DNAH3: variants seen among roughly 807,000 people sequenced by gnomAD.
The protein encoded by DNAH3 is axonemal beta dynein heavy chain 3.
In DNAH3, 332 loss-of-function variants were observed where a neutral mutation model predicts 432.5. The ratio of observed to expected loss-of-function variants is 0.77; its 90% CI spans 0.70 to 0.84. The LOEUF (loss-of-function observed/expected upper bound fraction) is 0.84, where lower values mean the gene tolerates loss of function less well. Among genes scored for constraint, DNAH3 ranks in the 40% least tolerant of loss-of-function variants. The probability of loss-of-function intolerance (pLI) is 0.00; values close to 1 mark genes in which losing one functional copy is unlikely to be tolerated. For synonymous variants in DNAH3, 1,956 were observed against 1,900.2 expected (o/e 1.03, Z -0.76); for missense variants, 4,861 against 5,114.0 (o/e 0.95, Z 1.51).
intron 54 of DNAH3, among the ~76,000 whole-genome samples, chr16:20,958,327 G>A (rs2084667014): frequency 6.6e-6 from 1 of 152,074 alleles, no homozygotes; most frequent in Non-Finnish European, 1.5e-5. Flanking sequence ...ACCTGTCTCA[G>A]CCTTTCAAAA....
intron 56 of DNAH3, among the ~76,000 whole-genome samples, chr16:20,950,046 C>CT (rs2084243001): frequency 6.6e-6 from 1 of 152,174 alleles, no homozygotes; most frequent in African/African-American, 2.4e-5. Context: ...CGGGATCTTG[C>CT]TGTTTTGCCC....
exon 48 of DNAH3, chr16:20,985,442 C>A: frequency 6.2e-7 from 1 of 1,614,190 alleles, no homozygotes; most frequent in Non-Finnish European, 8.5e-7. Context: ...CCCCCTATGC[C>A]CACCAGGAGC....
intron 14 of DNAH3, among the ~76,000 whole-genome samples, chr16:21,107,532 A>C (rs947876352): frequency 1.3e-5 from 2 of 151,616 alleles, no homozygotes; most frequent in East Asian, 3.9e-4. Context: ...GAGCCACCGC[A>C]CCCAGCCTTA....
At chr16:21,105,590 ACT>A (rs1468248921) in intron 15 of DNAH3, among the ~76,000 whole-genome samples, 2 of 152,026 alleles carry the variant, frequency 1.3e-5, no homozygotes, top group Non-Finnish European at 2.9e-5. Context: ...ACATGGAGAA[ACT>A]CTGTCTCTAC....
chr16:21,139,319 G>GTTTTTTTT (rs2092686839), intron 5 of DNAH3, among the ~76,000 whole-genome samples: 9 of 32,752 alleles, frequency 2.7e-4, no homozygotes, highest in Admixed American at 1.3e-3. Context: ...CTTTCCTCAT[G>GTTTTTTTT]CTTTTTTTTT....
chr16:21,118,409 G>T (rs1238530181), intron 11 of DNAH3, among the ~76,000 whole-genome samples: 1 of 151,816 alleles, frequency 6.6e-6, no homozygotes, highest in Admixed American at 6.6e-5. Flanking sequence ...TCTTCTGAGA[G>T]AATTCATACT....
intron 58 of DNAH3, among the ~76,000 whole-genome samples, 175 bp from the exon 59 acceptor site, chr16:20,941,718 C>T (rs2083817285): frequency 6.6e-6 from 1 of 151,598 alleles, no homozygotes; most frequent in Non-Finnish European, 1.5e-5. Context: ...CCCTCATCAC[C>T]CCACCAGCCT....
intron 14 of DNAH3, among the ~76,000 whole-genome samples, chr16:21,107,301 G>A (rs929930672): frequency 7.1e-6 from 1 of 141,098 alleles, no homozygotes; most frequent in Non-Finnish European, 1.5e-5. Flanking sequence ...GGATTACAGT[G>A]GTGTGATAGC....
chr16:20,936,195 C>T (rs949553519), intron 60 of DNAH3, among the ~76,000 whole-genome samples: 1 of 151,846 alleles, frequency 6.6e-6, no homozygotes, highest in Admixed American at 6.6e-5. Flanking sequence ...CTCTGTCGCC[C>T]AGGCTGGAGT....
intron 53 of DNAH3, among the ~76,000 whole-genome samples, chr16:20,961,771 T>G (rs1351464274): frequency 6.7e-6 from 1 of 148,998 alleles, no homozygotes; most frequent in East Asian, 2.0e-4. Context: ...TTTTTTTTTT[T>G]TTTTTTTTGA....
exon 53 of DNAH3, chr16:20,965,005 C>A (rs777255100): frequency 5.0e-6 from 8 of 1,614,126 alleles, no homozygotes; most frequent in Non-Finnish European, 6.8e-6. Context: ...CTTTTGGGAG[C>A]AGATTTCAAT....
intron 18 of DNAH3, among the ~76,000 whole-genome samples, chr16:21,095,539 A>G (rs1237104263): frequency 1.3e-5 from 2 of 152,118 alleles, no homozygotes; most frequent in Non-Finnish European, 2.9e-5. Context: ...AGGGGTTACA[A>G]CTGGGGGGAG....
exon 21 of DNAH3, chr16:21,075,555 C>T (rs1251502039): frequency 6.2e-7 from 1 of 1,612,582 alleles, no homozygotes; most frequent in East Asian, 2.2e-5. Flanking sequence ...CACCAATGGG[C>T]TCCAATCTAA....
chr16:21,001,162 G>C (rs963873815), intron 42 of DNAH3, among the ~76,000 whole-genome samples: 2 of 152,170 alleles, frequency 1.3e-5, no homozygotes, highest in African/African-American at 4.8e-5. Flanking sequence ...TATGGGGATT[G>C]TATTAATACA....
intron 21 of DNAH3, among the ~76,000 whole-genome samples, chr16:21,073,214 A>G (rs2090856043): frequency 6.6e-6 from 1 of 152,142 alleles, no homozygotes; most frequent in African/African-American, 2.4e-5. Flanking sequence ...GTAGCTCAGC[A>G]TTGGGAGGTA....
chr16:21,071,346 TA>T (rs1334864522), intron 21 of DNAH3, among the ~76,000 whole-genome samples: 2 of 151,470 alleles, frequency 1.3e-5, no homozygotes, highest in African/African-American at 4.8e-5. Context: ...CCAGCCTGGA[TA>T]TTTTTTTTAA....
chr16:21,020,354 A>ATATATATATATATATATGTC (rs2088114405), intron 40 of DNAH3, among the ~76,000 whole-genome samples: 1 of 99,884 alleles, frequency 1.0e-5, no homozygotes, highest in African/African-American at 4.4e-5. Context: ...GTGTGTATAT[A>ATATATATATATATATATGTC]TATATATATA....
chr16:21,056,289 C>A (rs926614069), intron 27 of DNAH3, among the ~76,000 whole-genome samples: 1 of 152,118 alleles, frequency 6.6e-6, no homozygotes, highest in East Asian at 1.9e-4. Context: ...TATTTCAGGT[C>A]TTTTCTTAGA....
At chr16:21,033,448 A>G (rs1169900776) in intron 36 of DNAH3, among the ~76,000 whole-genome samples, 2 of 152,170 alleles carry the variant, frequency 1.3e-5, no homozygotes, top group Non-Finnish European at 2.9e-5. Flanking sequence ...TTCTCATAAC[A>G]ATCCCATTTT....
Sources: gnomAD v4.1 joint callset for allele counts (sites outside exome capture counted in the v4.1 genomes callset) on GRCh38, gnomAD v4.1.1 for gene constraint, MANE v1.5 for transcripts, NCBI Gene and HGNC (gene_info 2026-07-23, HGNC 2026-07-21) for gene names.